SLC3A2: variants seen among roughly 807,000 people sequenced by gnomAD.
The protein encoded by SLC3A2 is solute carrier family 3 member 2.
In SLC3A2, 32 loss-of-function variants were observed where a neutral mutation model predicts 48.5. That is an observed-to-expected ratio of 0.66 (90% confidence interval 0.50 to 0.89). SLC3A2 has a LOEUF of 0.89. SLC3A2 is among the 40% of genes least tolerant of loss of function. The probability of loss-of-function intolerance (pLI) is 0.00; values close to 1 mark genes in which losing one functional copy is unlikely to be tolerated. For missense variants in SLC3A2, 587 were observed against 680.7 expected (o/e 0.86, Z 1.53); for synonymous variants, 277 against 288.8 (o/e 0.96, Z 0.41).
At chr11:62,870,837 G>C (rs1458088886) in intron 1 of SLC3A2, 1 of 154,216 alleles carries the variant, frequency 6.5e-6, no homozygotes, top group Non-Finnish European at 1.1e-5. Context: ...CGAGATGATA[G>C]GTAATAATAA....
intron 1 of SLC3A2, among the ~76,000 whole-genome samples, chr11:62,867,316 T>C (rs962950077): frequency 3.9e-5 from 5 of 127,022 alleles, no homozygotes; most frequent in Admixed American, 9.9e-5. Context: ...CTTTCTCTTT[T>C]CTTTTCTTTT....
In SLC3A2 at chr11:62,881,636, G is replaced by A; in HGVS notation, c.424+189G>A. 1 of 836,598 alleles carries A rather than the reference G, an allele frequency of 1.2e-6. No individual in the cohort carries two copies. Among genetic ancestry groups the A allele is most frequent in the Non-Finnish European group, 1.7e-6 (1 of 601,810 alleles). 51.8% of individuals were successfully genotyped at this position (836,598 alleles called of 1,614,324 possible). A position where few individuals can be genotyped will look rare whatever the true frequency, so the allele number is the denominator to read the frequency against. The stretch of plus-strand genomic sequence containing the variant: ...TCCTTTCTTTGAAGAAAGCCGACCC[G>A]CCCCTCACTCCGTCACGAGGGTGGG... On this transcript the variant is annotated intron_variant, in intron 1 of 8. Transcript: ENST00000338663. The surrounding 1 kb of genome is among the most constrained non-coding windows in gnomAD (Gnocchi z 4.0).
At chr11:62,869,154 C>CTGG (rs1478362503) in intron 1 of SLC3A2, among the ~76,000 whole-genome samples, 2 of 151,840 alleles carry the variant, frequency 1.3e-5, no homozygotes, top group African/African-American at 4.9e-5. Context: ...CCACCTTGGC[C>CTGG]TCCCAAAGTG....
intron 1 of SLC3A2, chr11:62,870,766 C>T: frequency 4.9e-6 from 1 of 202,486 alleles, no homozygotes; most frequent in Non-Finnish European, 9.5e-6. Context: ...CACTGTGTTG[C>T]CCAGACTGGT....
intron 1 of SLC3A2, among the ~76,000 whole-genome samples, chr11:62,875,813 C>T (rs894164507): frequency 6.6e-6 from 1 of 151,842 alleles, no homozygotes; most frequent in Non-Finnish European, 1.5e-5. Flanking sequence ...GTGATCCGCC[C>T]GCCTCAGCCT....
Position 62,881,857 on chromosome 11 carries a change from G to C in SLC3A2, c.425-36G>C. On this transcript the variant is annotated intron_variant, in intron 1 of 8. Coordinates refer to ENST00000338663, the MANE Select transcript of SLC3A2 (RefSeq NM_001013251.3). This position sits in a 1 kb window ranked among gnomAD's most constrained non-coding sequence, Gnocchi z 4.0. ...GGGTGGGGAGGTCAGGGGCCTCTCA[G>C]AGGGGCCTCACTTGTTAACCCAGCC... 1.9e-6 allele frequency: 3 copies of C among 1,604,932 alleles called. No individual in the cohort carries two copies. The highest frequency in any genetic ancestry group is 2.6e-6 in the Non-Finnish European group (3 of 1,173,778).
upstream of SLC3A2, among the ~76,000 whole-genome samples, chr11:62,877,753 G>A (rs1565250822): frequency 6.6e-6 from 1 of 152,258 alleles, no homozygotes; most frequent in Non-Finnish European, 1.5e-5. Flanking sequence ...TGTGTTGTGA[G>A]TCTGGCAGGT....
At chr11:62,883,332 T>C in intron 3 of SLC3A2, 1 of 296,354 alleles carries the variant, frequency 3.4e-6, no homozygotes, top group South Asian at 4.3e-5. Flanking sequence ...TCCTGACTGG[T>C]TTCCCAGTTC....
At chr11:62,872,616 C>CT (rs1373661468) in intron 1 of SLC3A2, among the ~76,000 whole-genome samples, 1 of 152,150 alleles carries the variant, frequency 6.6e-6, no homozygotes, top group Non-Finnish European at 1.5e-5. Flanking sequence ...TTTTTTCTTT[C>CT]TTTGAGACGG....
intron 1 of SLC3A2, among the ~76,000 whole-genome samples, chr11:62,862,333 C>CAA (rs71065311): frequency 0.089 from 4,911 of 55,388 alleles, 1,013 homozygotes; most frequent in African/African-American, 0.18. Flanking sequence ...GACTCTGTCT[C>CAA]AAAAAAAAAA....
Position 62,880,941 on chromosome 11 carries a change from G to C in SLC3A2, c.-83G>C. 2 of 1,480,594 alleles carry C rather than the reference G, an allele frequency of 1.4e-6. No homozygotes were observed. Among genetic ancestry groups the C allele is most frequent in the South Asian group, 1.4e-5 (1 of 70,430 alleles). The allele number at this position is 1,480,594 out of a possible 1,614,324, so 91.7% of individuals were successfully genotyped here. A position where few individuals can be genotyped will look rare whatever the true frequency, so the allele number is the denominator to read the frequency against. On this transcript the variant is annotated 5_prime_UTR_variant, in exon 1 of 9. Transcript: ENST00000338663. Reference sequence around the variant, plus strand: ...CGCGGAGGCACAGAGGCCGGGGAGAGCGTTCTGGGTCCGAGGGTCCAGGTA... The same window carrying C: ...CGCGGAGGCACAGAGGCCGGGGAGACCGTTCTGGGTCCGAGGGTCCAGGTA...
upstream of SLC3A2, among the ~76,000 whole-genome samples, chr11:62,880,032 C>T (rs751795052): frequency 2.6e-4 from 40 of 152,146 alleles, no homozygotes; most frequent in Non-Finnish European, 5.0e-4. Flanking sequence ...ATCTTCTGGT[C>T]TATTCCACAA....
At chr11:62,861,910 C>CAAA (rs1189861840) in intron 1 of SLC3A2, among the ~76,000 whole-genome samples, 9 of 59,166 alleles carry the variant, frequency 1.5e-4, no homozygotes, top group Non-Finnish European at 2.5e-4. Context: ...AAACCTCTCT[C>CAAA]AAAAAAAAAA....
intron 1 of SLC3A2, among the ~76,000 whole-genome samples, chr11:62,873,198 A>T (rs1228220278): frequency 2.0e-5 from 3 of 151,534 alleles, no homozygotes; most frequent in Admixed American, 6.6e-5. Flanking sequence ...AATTTAAAAA[A>T]TTTTTTGTGG....
At chr11:62,859,143 C>T (rs2085371046) in intron 1 of SLC3A2, among the ~76,000 whole-genome samples, 1 of 152,250 alleles carries the variant, frequency 6.6e-6, no homozygotes, top group South Asian at 2.1e-4. Context: ...GGGGAGAAAC[C>T]TTGGACAATA....
chr11:62,865,451 G>A (rs2085442409), intron 1 of SLC3A2, among the ~76,000 whole-genome samples: 1 of 151,608 alleles, frequency 6.6e-6, no homozygotes, highest in Admixed American at 6.6e-5. Context: ...TACTAGGGAG[G>A]CTGAGGCAGG....
Position 62,884,069 on chromosome 11 carries a change from C to T in SLC3A2, c.691-388C>T, listed in dbSNP as rs779190152. 117 of 463,324 alleles carry T rather than the reference C, an allele frequency of 2.5e-4. 3 individuals are homozygous for T. Among genetic ancestry groups the T allele is most frequent in the Middle Eastern group, 1.9e-3 (6 of 3,136 alleles). 28.7% of individuals were successfully genotyped at this position (463,324 alleles called of 1,614,324 possible). On this transcript the variant is annotated intron_variant, in intron 3 of 8. Coordinates refer to ENST00000338663, the MANE Select transcript of SLC3A2 (RefSeq NM_001013251.3). ...TGCTCACTGATTATGACTGTGGACGCGTCTCCCTGCTTCTCTGGGTCTGTT... is the reference window on the plus strand; with the variant it reads ...TGCTCACTGATTATGACTGTGGACGTGTCTCCCTGCTTCTCTGGGTCTGTT...
intron 1 of SLC3A2, among the ~76,000 whole-genome samples, chr11:62,872,877 C>T (rs960236092): frequency 2.0e-5 from 3 of 152,222 alleles, no homozygotes; most frequent in African/African-American, 4.8e-5. Flanking sequence ...GTTGGGATTA[C>T]AGGCGTGAGC....
At chr11:62,869,190 C>T (rs1393491490) in intron 1 of SLC3A2, among the ~76,000 whole-genome samples, 1 of 151,992 alleles carries the variant, frequency 6.6e-6, no homozygotes, top group South Asian at 2.1e-4. Context: ...TGAGACACCA[C>T]GCCTGGCCTG....
Sources: allele counts gnomAD v4.1 joint callset (sites outside exome capture counted in the v4.1 genomes callset), GRCh38; gene constraint gnomAD v4.1.1; non-coding constraint Gnocchi (gnomAD v3.1); transcripts MANE v1.5; gene names NCBI Gene and HGNC (gene_info 2026-07-23, HGNC 2026-07-21).